Variants in HCN1 observed in about 807,000 individuals in gnomAD.
HCN1 encodes the protein potassium/sodium hyperpolarization-activated cyclic nucleotide-gated channel 1.
Under a neutral mutation model 78.9 loss-of-function variants are expected in HCN1, and 13 were observed. The ratio of observed to expected loss-of-function variants is 0.16; its 90% confidence interval spans 0.11 to 0.26. The LOEUF is 0.26. Ranked by LOEUF, HCN1 falls within the 10% of genes least tolerant of loss-of-function variation. HCN1 has a pLI of 1.00. For missense variants in HCN1, 810 were observed against 1,154.3 expected (o/e 0.70, Z 4.32); for synonymous variants, 552 against 455.5 (o/e 1.21, Z -2.70).
chr5:45,421,461 C>T (rs1257761083), intron 3 of HCN1, among the ~76,000 whole-genome samples: 5 of 151,950 alleles, frequency 3.3e-5, no homozygotes, highest in African/African-American at 1.2e-4. Flanking sequence ...CAATAAGCAA[C>T]TATATGGATT....
intron 6 of HCN1, among the ~76,000 whole-genome samples, chr5:45,277,114 A>C (rs1745077579): frequency 6.6e-6 from 1 of 152,126 alleles, no homozygotes; most frequent in Non-Finnish European, 1.5e-5. Flanking sequence ...ATATTATTTT[A>C]AGAAATTAAC....
intron 2 of HCN1, among the ~76,000 whole-genome samples, chr5:45,544,328 A>C (rs185884435): frequency 2.6e-5 from 4 of 152,142 alleles, no homozygotes; most frequent in African/African-American, 9.7e-5. Context: ...AATCTTGTTA[A>C]ATCAATAGGT....
At chr5:45,494,567 G>A (rs1741979540) in intron 2 of HCN1, among the ~76,000 whole-genome samples, 1 of 151,784 alleles carries the variant, frequency 6.6e-6, no homozygotes, top group Non-Finnish European at 1.5e-5. Flanking sequence ...TCACTCTGAT[G>A]GTAGTTTCTT....
intron 2 of HCN1, among the ~76,000 whole-genome samples, chr5:45,618,907 C>A (rs1046644435): frequency 6.6e-6 from 1 of 151,810 alleles, no homozygotes; most frequent in African/African-American, 2.4e-5. Context: ...TTTGAAGCAC[C>A]ATGCAGACTT....
At chr5:45,507,774 A>G (rs193048906) in intron 2 of HCN1, among the ~76,000 whole-genome samples, 95 of 152,284 alleles carry the variant, frequency 6.2e-4, no homozygotes, top group African/African-American at 2.1e-3. Flanking sequence ...AACATGTTAG[A>G]TCAGTGTTTG....
chr5:45,496,368 G>C, intron 2 of HCN1, among the ~76,000 whole-genome samples: 1 of 151,406 alleles, frequency 6.6e-6, no homozygotes, highest in Non-Finnish European at 1.5e-5. Flanking sequence ...ATTTCTTCTA[G>C]ATTTTCTAGT....
At chr5:45,555,428 T>C (rs902368571) in intron 2 of HCN1, among the ~76,000 whole-genome samples, 1 of 151,866 alleles carries the variant, frequency 6.6e-6, no homozygotes, top group Non-Finnish European at 1.5e-5. Flanking sequence ...TCTATGGTCA[T>C]GGATTGAAAG....
chr5:45,646,433 C>T (rs1485539249), intron 1 of HCN1, among the ~76,000 whole-genome samples: 3 of 143,336 alleles, frequency 2.1e-5, no homozygotes, highest in Non-Finnish European at 4.5e-5. Flanking sequence ...TACAATGGCA[C>T]AATCTCAGCT....
At chr5:45,638,629 G>A (rs1254085822) in intron 2 of HCN1, among the ~76,000 whole-genome samples, 2 of 152,270 alleles carry the variant, frequency 1.3e-5, no homozygotes, top group East Asian at 1.9e-4. Context: ...GGGGCTGGGC[G>A]CAGAGGCTCA....
chr5:45,574,289 G>T (rs1743893897), intron 2 of HCN1, among the ~76,000 whole-genome samples: 2 of 152,056 alleles, frequency 1.3e-5, no homozygotes, highest in African/African-American at 4.8e-5. Flanking sequence ...ACACTTTCAG[G>T]TGTCACATTT....
intron 6 of HCN1, among the ~76,000 whole-genome samples, chr5:45,280,871 T>A (rs189138251): frequency 2.2e-3 from 336 of 152,316 alleles, no homozygotes; most frequent in African/African-American, 7.6e-3. Context: ...GATAGCTATT[T>A]AAACACATTA....
chr5:45,416,110 T>C (rs1579879354), intron 3 of HCN1, among the ~76,000 whole-genome samples: 1 of 152,144 alleles, frequency 6.6e-6, no homozygotes, highest in East Asian at 1.9e-4. Context: ...CCAATTGATA[T>C]ATGTATAGCA....
rs773924498 is a variant in HCN1, at chr5:45,419,112, T to A, written c.1012-22402A>T. 8.3e-4 allele frequency among the ~76,000 whole-genome samples: 126 copies of A among 152,152 alleles called. 1 individual carries two copies. Among genetic ancestry groups the A allele is most frequent in the Non-Finnish European group, 2.9e-4 (20 of 68,030 alleles). Reference sequence around the variant, plus strand: ...ATGAACTTTGGGAAAGCTCAGCATGTGGTACACTATGACACTTTACAAGCT... The same window carrying A: ...ATGAACTTTGGGAAAGCTCAGCATGAGGTACACTATGACACTTTACAAGCT... On this transcript the variant is annotated intron_variant, in intron 3 of 7. Transcript: ENST00000303230.
At chr5:45,670,050 T>C (rs762826692) in intron 1 of HCN1, among the ~76,000 whole-genome samples, 9 of 151,672 alleles carry the variant, frequency 5.9e-5, no homozygotes, top group Non-Finnish European at 1.2e-4. Context: ...GTATGGAAAC[T>C]CTTAATAAAA....
chr5:45,470,961 T>C (rs1237073387), intron 2 of HCN1, among the ~76,000 whole-genome samples: 1 of 151,954 alleles, frequency 6.6e-6, no homozygotes, highest in Non-Finnish European at 1.5e-5. Context: ...TCTCAGTTTA[T>C]AGTTTTATTT....
intron 6 of HCN1, among the ~76,000 whole-genome samples, chr5:45,302,628 A>T (rs1295023095): frequency 1.3e-5 from 2 of 150,800 alleles, no homozygotes; most frequent in South Asian, 4.2e-4. Flanking sequence ...ATATATATAT[A>T]TTTTATATAT....
chr5:45,569,388 T>G (rs1743779713), intron 2 of HCN1, among the ~76,000 whole-genome samples: 1 of 152,170 alleles, frequency 6.6e-6, no homozygotes, highest in African/African-American at 2.4e-5. Flanking sequence ...TTTACCCATG[T>G]AGAAAGATTT....
At chr5:45,666,643 C>T (rs1037021600) in intron 1 of HCN1, among the ~76,000 whole-genome samples, 1 of 151,980 alleles carries the variant, frequency 6.6e-6, no homozygotes, top group Middle Eastern at 3.2e-3. Flanking sequence ...AGGTTTATTT[C>T]TCCAACTACA....
intron 2 of HCN1, among the ~76,000 whole-genome samples, chr5:45,488,598 G>T (rs1741817846): frequency 6.6e-6 from 1 of 152,026 alleles, no homozygotes; most frequent in Non-Finnish European, 1.5e-5. Flanking sequence ...GCTCTAAAGA[G>T]CTGCCAGAGT....
Sources: allele counts gnomAD v4.1 joint callset (sites outside exome capture counted in the v4.1 genomes callset), GRCh38; gene constraint gnomAD v4.1.1; transcripts MANE v1.5; gene names NCBI Gene and HGNC (gene_info 2026-07-23, HGNC 2026-07-21).